Variants in CYYR1 observed in about 807,000 individuals in gnomAD.
The protein encoded by CYYR1 is cysteine and tyrosine rich 1, also known as cysteine and tyrosine-rich protein 1.
CYYR1 carries 14 observed loss-of-function variants against 15.2 expected under a neutral mutation model. The observed-to-expected ratio is 0.92, with a 90% CI of 0.61 to 1.44. CYYR1 has a LOEUF of 1.44. Ranked by LOEUF, CYYR1 falls within the 40% of genes most tolerant of loss-of-function variation. The probability of loss-of-function intolerance (pLI) is 0.00; values close to 1 mark genes in which losing one functional copy is unlikely to be tolerated. For missense variants in CYYR1, 228 were observed against 209.5 expected, an observed-to-expected ratio of 1.09 and a Z score of -0.54; for synonymous variants, 80 against 77.4, an observed-to-expected ratio of 1.03 and a Z score of -0.18.
At chr21:26,501,357 A>G (rs1340618216) in intron 2 of CYYR1, among the ~76,000 whole-genome samples, 1 of 152,226 alleles carries the variant, frequency 6.6e-6, no homozygotes, top group Non-Finnish European at 1.5e-5. Context: ...AAATAAAATC[A>G]GCAAGATGGA....
intron 3 of CYYR1, chr21:26,470,959 G>A (rs1335263917): frequency 6.6e-6 from 1 of 152,214 alleles, no homozygotes; most frequent in African/African-American, 2.4e-5. Flanking sequence ...GTTCAGCCGA[G>A]AACACAGCTC....
intron 2 of CYYR1, among the ~76,000 whole-genome samples, chr21:26,542,282 T>TGTGTGC (rs1978611757): frequency 1.2e-5 from 1 of 80,222 alleles, no homozygotes. Context: ...AGAATATGTG[T>TGTGTGC]GTGTGTGCGT....
At chr21:26,547,965 T>C (rs1979102341) in intron 2 of CYYR1, among the ~76,000 whole-genome samples, 1 of 152,138 alleles carries the variant, frequency 6.6e-6, no homozygotes, top group African/African-American at 2.4e-5. Context: ...GGTTCATAAG[T>C]ATTAATTCAT....
At chr21:26,475,398 C>T (rs1016247731) in intron 3 of CYYR1, among the ~76,000 whole-genome samples, 1 of 152,100 alleles carries the variant, frequency 6.6e-6, no homozygotes, top group Admixed American at 6.6e-5. Context: ...TGTCTCTGAT[C>T]GTGCTGTACA....
chr21:26,529,664 C>T (rs985096662), intron 2 of CYYR1, among the ~76,000 whole-genome samples: 3 of 152,100 alleles, frequency 2.0e-5, no homozygotes, highest in Non-Finnish European at 4.4e-5. Flanking sequence ...TAGGGGAGTG[C>T]GGTTTGCAAC....
chr21:26,562,745 C>G (rs1980300030), intron 2 of CYYR1, among the ~76,000 whole-genome samples: 1 of 147,450 alleles, frequency 6.8e-6, no homozygotes, highest in African/African-American at 2.5e-5. Context: ...CACACACACA[C>G]ACACACACAC....
chr21:26,509,419 C>T (rs1040066701), intron 2 of CYYR1, among the ~76,000 whole-genome samples: 1 of 152,122 alleles, frequency 6.6e-6, no homozygotes, highest in Non-Finnish European at 1.5e-5. Flanking sequence ...TTATTTTCTC[C>T]ATAGAACCAA....
At chr21:26,512,524 G>A (rs1463438251) in intron 2 of CYYR1, among the ~76,000 whole-genome samples, 1 of 152,090 alleles carries the variant, frequency 6.6e-6, no homozygotes, top group Non-Finnish European at 1.5e-5. Context: ...TCAGGTGTCA[G>A]CACGCTACAT....
At chr21:26,495,387 C>A (rs1410187972) in intron 2 of CYYR1, among the ~76,000 whole-genome samples, 1 of 152,168 alleles carries the variant, frequency 6.6e-6, no homozygotes, top group East Asian at 1.9e-4. Context: ...CAGCTTCCCA[C>A]GCGTCTCAGA....
intron 2 of CYYR1, among the ~76,000 whole-genome samples, chr21:26,503,262 T>C (rs2065506019): frequency 6.6e-6 from 1 of 152,178 alleles, no homozygotes; most frequent in Non-Finnish European, 1.5e-5. Context: ...CTTGCAAATA[T>C]TTAAATGCTG....
At chr21:26,478,327 C>T (rs1170652413) in intron 3 of CYYR1, among the ~76,000 whole-genome samples, 1 of 151,918 alleles carries the variant, frequency 6.6e-6, no homozygotes, top group East Asian at 1.9e-4. Context: ...AGGAGGTGAC[C>T]TTTGATTAAA....
chr21:26,552,301 C>T (rs1979450210), intron 2 of CYYR1, among the ~76,000 whole-genome samples: 1 of 152,056 alleles, frequency 6.6e-6, no homozygotes, highest in African/African-American at 2.4e-5. Context: ...TATAATTGTA[C>T]TTTGTCAGCC....
At chr21:26,473,716 A>C (rs71317469) in intron 3 of CYYR1, among the ~76,000 whole-genome samples, 9,547 of 152,256 alleles carry the variant, frequency 0.063, 363 homozygotes, top group Middle Eastern at 0.075. Context: ...TCACCTGCTG[A>C]GAGTGAGAAG....
chr21:26,483,984 ACCTAT>A (rs1337046728), intron 2 of CYYR1, among the ~76,000 whole-genome samples: 3 of 151,774 alleles, frequency 2.0e-5, no homozygotes, highest in African/African-American at 7.3e-5. Flanking sequence ...GTACCTGAAC[ACCTAT>A]CCTATACTTT....
intron 3 of CYYR1, among the ~76,000 whole-genome samples, 182 bp downstream of exon 3, chr21:26,480,090 G>C (rs1316159759): frequency 6.6e-6 from 1 of 152,028 alleles, no homozygotes; most frequent in Non-Finnish European, 1.5e-5. Context: ...AAAAAGAATT[G>C]GGTTGTATTA....
intron 1 of CYYR1, among the ~76,000 whole-genome samples, chr21:26,571,676 G>A (rs951538684): frequency 1.3e-5 from 2 of 152,210 alleles, no homozygotes; most frequent in African/African-American, 2.4e-5. Flanking sequence ...TATTAATGCA[G>A]TTGACTCTGT....
At chr21:26,472,079 C>A (rs999258916) in intron 3 of CYYR1, among the ~76,000 whole-genome samples, 2 of 152,132 alleles carry the variant, frequency 1.3e-5, no homozygotes, top group Non-Finnish European at 2.9e-5. Flanking sequence ...TTTGTCACCC[C>A]AATTTAACAA....
At chr21:26,559,741 C>T (rs1980069086) in intron 2 of CYYR1, among the ~76,000 whole-genome samples, 1 of 152,094 alleles carries the variant, frequency 6.6e-6, no homozygotes, top group Non-Finnish European at 1.5e-5. Flanking sequence ...TCTGTAATGC[C>T]ATTTCTGTTA....
intron 2 of CYYR1, among the ~76,000 whole-genome samples, chr21:26,565,214 T>C (rs567939541): frequency 1.3e-5 from 2 of 152,314 alleles, no homozygotes; most frequent in Admixed American, 1.3e-4. Context: ...GCCTCAACAC[T>C]GATTCCAGAA....
Sources: gnomAD v4.1 joint callset for allele counts (sites outside exome capture counted in the v4.1 genomes callset) on GRCh38, gnomAD v4.1.1 for gene constraint, MANE v1.5 for transcripts, NCBI Gene and HGNC (gene_info 2026-07-23, HGNC 2026-07-21) for gene names.